The following ARHGEF38 variants were observed in gnomAD, a reference collection of about 807,000 sequenced individuals.
The protein encoded by ARHGEF38 is Rho guanine nucleotide exchange factor 38.
Under a neutral mutation model 79.9 loss-of-function variants are expected in ARHGEF38, and 79 were observed. The observed-to-expected ratio is 0.99, with a 90% CI of 0.82 to 1.19. The LOEUF (loss-of-function observed/expected upper bound fraction) is 1.19, where lower values mean the gene tolerates loss of function less well. Among genes scored for constraint, ARHGEF38 ranks in the 50% most tolerant of loss-of-function variants. ARHGEF38 has a pLI of 0.00. For missense variants in ARHGEF38, 962 were observed against 907.2 expected (o/e 1.06, Z -0.78); for synonymous variants, 366 against 328.3 (o/e 1.11, Z -1.24).
At chr4:105,611,495 A>T (rs530180049) in intron 2 of ARHGEF38, among the ~76,000 whole-genome samples, 2 of 152,066 alleles carry the variant, frequency 1.3e-5, no homozygotes, top group Admixed American at 1.3e-4. Flanking sequence ...GATATATTAC[A>T]TTTGAGCCAT....
intron 2 of ARHGEF38, among the ~76,000 whole-genome samples, chr4:105,590,037 C>CA (rs748635748): frequency 0.073 from 5,893 of 80,688 alleles, 193 homozygotes; most frequent in Middle Eastern, 0.29. Context: ...GACTCTGTCT[C>CA]AAAAAAAAAA....
chr4:105,633,021 T>C (rs1729257122), intron 4 of ARHGEF38: 2 of 152,754 alleles, frequency 1.3e-5, no homozygotes, highest in South Asian at 2.1e-4. Flanking sequence ...CTGAAAATTA[T>C]TTTCAGACCC....
At chr4:105,666,073 G>A in intron 10 of ARHGEF38, 104 bp from the exon 11 acceptor site, 4 of 980,886 alleles carry the variant, frequency 4.1e-6, no homozygotes, top group South Asian at 4.3e-5. Context: ...TCACAATGGA[G>A]CTACCATATA....
At chr4:105,653,247 A>G (rs953857245) in intron 7 of ARHGEF38, among the ~76,000 whole-genome samples, 1 of 152,172 alleles carries the variant, frequency 6.6e-6, no homozygotes, top group African/African-American at 2.4e-5. Flanking sequence ...CTGCTGAGTT[A>G]TCTTAACAGA....
At chr4:105,579,309 A>G (rs993937659) in intron 1 of ARHGEF38, among the ~76,000 whole-genome samples, 4 of 152,104 alleles carry the variant, frequency 2.6e-5, no homozygotes, top group Admixed American at 1.3e-4. Context: ...GTCTTGTGCC[A>G]GTTTTTAAGG....
intron 2 of ARHGEF38, among the ~76,000 whole-genome samples, chr4:105,607,735 T>C (rs1728112835): frequency 6.6e-6 from 1 of 152,074 alleles, no homozygotes; most frequent in Non-Finnish European, 1.5e-5. Context: ...TTAATCTTCT[T>C]TGGGTCATAG....
intron 6 of ARHGEF38, among the ~76,000 whole-genome samples, chr4:105,648,036 C>T (rs577509520): frequency 2.0e-5 from 3 of 151,886 alleles, no homozygotes; most frequent in Non-Finnish European, 2.9e-5. Context: ...ACTACAGGCA[C>T]GCACCACCAT....
At chr4:105,648,049 C>T (rs963158536) in intron 6 of ARHGEF38, among the ~76,000 whole-genome samples, 3 of 151,810 alleles carry the variant, frequency 2.0e-5, no homozygotes, top group African/African-American at 7.3e-5. Flanking sequence ...ACCACCATGC[C>T]AGGCTAATTT....
Position 105,677,955 on chromosome 4 carries a change from T to G in ARHGEF38, c.*18T>G, listed in dbSNP as rs58021172. On this transcript the variant is annotated 3_prime_UTR_variant, in exon 14 of 14. Transcript: ENST00000420470. ...ATGCTTAAGAAAATAAGCCTTCAAC[T>G]TTTATTTTCCAGCAAGTTGTTGATT... 3.4e-4 allele frequency: 495 copies of G among 1,475,666 alleles called. 6 individuals are homozygous for G. In the East Asian group the frequency reaches 0.012, roughly 35 times the overall value. The allele number at this position is 1,475,666 out of a possible 1,614,324, so 91.4% of individuals were successfully genotyped here. A position where few individuals can be genotyped will look rare whatever the true frequency, so the allele number is the denominator to read the frequency against.
At chr4:105,615,881 A>G (rs1309470098) in intron 3 of ARHGEF38, among the ~76,000 whole-genome samples, 3 of 152,172 alleles carry the variant, frequency 2.0e-5, no homozygotes, top group Admixed American at 2.0e-4. Context: ...CTGTTTGGAT[A>G]TGAACAGCTA....
intron 2 of ARHGEF38, among the ~76,000 whole-genome samples, chr4:105,611,286 T>C (rs1270925421): frequency 6.6e-6 from 1 of 152,110 alleles, no homozygotes; most frequent in Non-Finnish European, 1.5e-5. Context: ...ATTAGAAGGA[T>C]TTATTTCAAA....
chr4:105,565,557 T>C (rs1725846767), intron 1 of ARHGEF38, among the ~76,000 whole-genome samples: 1 of 152,106 alleles, frequency 6.6e-6, no homozygotes, highest in Admixed American at 6.6e-5. Flanking sequence ...TAAAACTGTA[T>C]ATTGAATTAT....
chr4:105,594,501 G>C (rs188526766), intron 2 of ARHGEF38, among the ~76,000 whole-genome samples: 5 of 152,260 alleles, frequency 3.3e-5, no homozygotes, highest in African/African-American at 1.2e-4. Flanking sequence ...GAGAATTTGG[G>C]TATCATCGGA....
At chr4:105,608,547 A>G (rs1048724428) in intron 2 of ARHGEF38, among the ~76,000 whole-genome samples, 7 of 151,998 alleles carry the variant, frequency 4.6e-5, no homozygotes, top group African/African-American at 1.7e-4. Flanking sequence ...CCCCTCAAAC[A>G]TTTATCATTT....
intron 1 of ARHGEF38, among the ~76,000 whole-genome samples, chr4:105,588,878 A>T (rs534348110): frequency 6.6e-6 from 1 of 152,224 alleles, no homozygotes; most frequent in Non-Finnish European, 1.5e-5. Flanking sequence ...AAGGCATTTC[A>T]TTTACTAATT....
At chr4:105,574,945 G>A (rs936315002) in intron 1 of ARHGEF38, among the ~76,000 whole-genome samples, 2 of 150,972 alleles carry the variant, frequency 1.3e-5, no homozygotes, top group African/African-American at 4.9e-5. Flanking sequence ...ATATTCCATA[G>A]CACATATATA....
At chr4:105,584,480 A>G (rs942063166) in intron 1 of ARHGEF38, among the ~76,000 whole-genome samples, 1 of 152,216 alleles carries the variant, frequency 6.6e-6, no homozygotes, top group African/African-American at 2.4e-5. Flanking sequence ...GTTATCCTTA[A>G]CTTACAGATG....
At chr4:105,595,365 G>T (rs867274468) in intron 2 of ARHGEF38, among the ~76,000 whole-genome samples, 1 of 151,896 alleles carries the variant, frequency 6.6e-6, no homozygotes, top group Non-Finnish European at 1.5e-5. Flanking sequence ...TCTAAAAAAT[G>T]GTTTAAAATA....
At chr4:105,671,364 C>A (rs77120253) in intron 13 of ARHGEF38, among the ~76,000 whole-genome samples, 2 of 152,240 alleles carry the variant, frequency 1.3e-5, no homozygotes, top group African/African-American at 4.8e-5. Flanking sequence ...GAGGATGCAC[C>A]TGTTGGAAAC....
Sources: allele counts gnomAD v4.1 joint callset (sites outside exome capture counted in the v4.1 genomes callset), GRCh38; gene constraint gnomAD v4.1.1; transcripts MANE v1.5; gene names NCBI Gene and HGNC (gene_info 2026-07-23, HGNC 2026-07-21).